The following RPE65 variants were observed in gnomAD, a reference collection of about 807,000 sequenced individuals.
The protein encoded by RPE65 is retinoid isomerohydrolase RPE65.
A neutral mutation model predicts 68.5 loss-of-function variants in RPE65; 58 were observed. The ratio of observed to expected loss-of-function variants is 0.85; its 90% confidence interval spans 0.69 to 1.05. The LOEUF (loss-of-function observed/expected upper bound fraction) is 1.05. Among genes scored for constraint, RPE65 ranks in the 50% least tolerant of loss-of-function variants. RPE65 has a pLI of 0.00. For missense variants in RPE65, 643 were observed against 629.9 expected, an observed-to-expected ratio of 1.02 and a Z score of -0.22; for synonymous variants, 220 against 222.2, an observed-to-expected ratio of 0.99 and a Z score of 0.09.
intron 10 of RPE65, 132 bp downstream of exon 10, chr1:68,438,055 T>G: frequency 1.8e-6 from 2 of 1,094,540 alleles, no homozygotes; most frequent in Non-Finnish European, 1.3e-6. Flanking sequence ...GGAAGTTTAA[T>G]TAGCCTATTT....
At chr1:68,435,936 T>A (rs112094349) in intron 10 of RPE65, among the ~76,000 whole-genome samples, 5 of 152,228 alleles carry the variant, frequency 3.3e-5, no homozygotes, top group Non-Finnish European at 7.3e-5. Flanking sequence ...ATGATGCCTG[T>A]TTTAGTGGCT....
Position 68,431,325 on chromosome 1 carries a change from G to T in RPE65, c.1295C>A (p.Thr432Lys), listed in dbSNP as rs1231370695. 2 of 1,614,006 alleles carry T rather than the reference G, an allele frequency of 1.2e-6. No homozygotes were observed. Among genetic ancestry groups the T allele is most frequent in the Non-Finnish European group, 1.7e-6 (2 of 1,179,946 alleles). ...NYQKYCGKPY[T>K]YAYGLGLNHF... Reference sequence around the variant, plus strand: ...ATTCAAGCCAAGTCCATACGCATATGTGTAAGGTTTCCCACAATACTTCTG... The same window carrying T: ...ATTCAAGCCAAGTCCATACGCATATTTGTAAGGTTTCCCACAATACTTCTG... The change falls in exon 12 of 14, where the codon ACA (threonine) becomes AAA (lysine). Residue 432 changes from threonine to lysine, a missense_variant. Transcript: ENST00000262340.
At chr1:68,436,444 C>T (rs938759267) in intron 10 of RPE65, among the ~76,000 whole-genome samples, 8 of 147,490 alleles carry the variant, frequency 5.4e-5, no homozygotes, top group Non-Finnish European at 1.2e-4. Context: ...CCTGTTACTT[C>T]TATTTATTTA....
intron 13 of RPE65, among the ~76,000 whole-genome samples, chr1:68,430,414 C>T (rs112886088): frequency 2.4e-4 from 37 of 152,328 alleles, no homozygotes; most frequent in African/African-American, 7.9e-4. Context: ...AAAATGAGAA[C>T]AAATCTTTTA....
At chr1:68,437,214 C>T (rs1379083757) in intron 10 of RPE65, among the ~76,000 whole-genome samples, 1 of 152,174 alleles carries the variant, frequency 6.6e-6, no homozygotes, top group Non-Finnish European at 1.5e-5. Flanking sequence ...TTGCTCCAAC[C>T]TATCTTTCCA....
chr1:68,444,587 T>A lies in RPE65; in HGVS notation c.439A>T (p.Thr147Ser). Residue 147 changes from threonine to serine, a missense_variant, in exon 5 of 14, where the codon ACA becomes TCA. Coordinates refer to ENST00000262340, the MANE Select transcript of RPE65 (RefSeq NM_000329.3). ...YPVGEDYYAC[T>S]ETNFITKINP... Reference sequence around the variant, plus strand: ...ATCTTTGTAATAAAGTTGGTCTCTGTGCAAGCGTAGTAATCTTCCCCCACT... The same window carrying A: ...ATCTTTGTAATAAAGTTGGTCTCTGAGCAAGCGTAGTAATCTTCCCCCACT... The A allele has an allele frequency of 6.2e-7, 1 of 1,614,180 alleles. No homozygotes were observed.
chr1:68,433,524 C>A (rs1645840507), intron 10 of RPE65, among the ~76,000 whole-genome samples: 1 of 152,086 alleles, frequency 6.6e-6, no homozygotes, highest in African/African-American at 2.4e-5. Flanking sequence ...TGATTTCTTT[C>A]ATTTGTTTCA....
intron 5 of RPE65, among the ~76,000 whole-genome samples, chr1:68,443,185 A>T (rs1286986141): frequency 1.3e-5 from 2 of 152,238 alleles, no homozygotes; most frequent in Admixed American, 1.3e-4. Flanking sequence ...TTTTAATTTC[A>T]TCCTACCCTG....
rs1645803873 is a variant in RPE65, at chr1:68,429,357, A to C, written c.*419T>G. ...TTTAGTAATTAAGCCTTATTGCATG[A>C]TACTTCCTTGACTCAGCAAAGCCAC... On this transcript the variant is annotated 3_prime_UTR_variant, in exon 14 of 14. Coordinates refer to ENST00000262340, the MANE Select transcript of RPE65 (RefSeq NM_000329.3). The C allele has an allele frequency of 5.3e-6, 1 of 189,182 alleles. No homozygotes were observed. Among genetic ancestry groups the C allele is most frequent in the African/African-American group, 2.4e-5 (1 of 41,758 alleles). The allele number at this position is 189,182 out of a possible 1,614,324, so 11.7% of individuals were successfully genotyped here.
At position 68,429,838 on chromosome 1, in the gene RPE65, C is replaced by T; in HGVS notation, c.1540G>A (p.Ala514Thr). ...ILNAKDLSEV[A>T]RAEVEINIPV... is the part of the protein sequence containing the mutation. ...ATGTTAATCTCCACTTCAGCCCGGG[C>T]AACTTCACTTAAGTCCTTGGCATTC... Residue 514 changes from alanine to threonine, a missense_variant, in exon 14 of 14, where the codon GCC becomes ACC. Transcript: ENST00000262340. 1.9e-6 allele frequency: 3 copies of T among 1,613,808 alleles called. No individual in the cohort carries two copies. The highest frequency in any genetic ancestry group is 2.5e-6 in the Non-Finnish European group (3 of 1,179,832).
Position 68,431,602 on chromosome 1 carries a change from C to T in RPE65, c.1129-17G>A. The T allele has an allele frequency of 6.3e-7, 1 of 1,593,956 alleles. No individual in the cohort carries two copies. The highest frequency in any genetic ancestry group is 8.6e-7 in the Non-Finnish European group (1 of 1,162,028). ...TGTGTCAGCCTAGGAGAGAAGATAA[C>T]AGAAACCTCAGTGAGCAGGAAAGAA... On this transcript the variant is annotated splice_polypyrimidine_tract_variant and intron_variant, in intron 10 of 13. Transcript: ENST00000262340.
At chr1:68,441,335 T>G (rs112349100) in intron 5 of RPE65, among the ~76,000 whole-genome samples, 1 of 152,176 alleles carries the variant, frequency 6.6e-6, no homozygotes, top group Non-Finnish European at 1.5e-5. Context: ...ACTCTTATTA[T>G]TGTATTAGAT....
chr1:68,444,946 G>A (rs2100828681), intron 3 of RPE65, 63 bp from the exon 4 acceptor site: 3 of 1,329,640 alleles, frequency 2.3e-6, no homozygotes, highest in East Asian at 4.6e-5. Flanking sequence ...CCCATGTGGA[G>A]CTTAGAATGG....
At chr1:68,443,452 T>G (rs1557602080) in intron 5 of RPE65, among the ~76,000 whole-genome samples, 1 of 152,202 alleles carries the variant, frequency 6.6e-6, no homozygotes, top group Non-Finnish European at 1.5e-5. Context: ...GCAAGTCTAG[T>G]CCAAGGAGAT....
chr1:68,447,594 G>A (rs966062730), intron 2 of RPE65, among the ~76,000 whole-genome samples: 2 of 152,184 alleles, frequency 1.3e-5, no homozygotes, highest in African/African-American at 4.8e-5. Flanking sequence ...GGGCGCGGTG[G>A]CTCGCGCTTG....
chr1:68,441,116 T>C lies in RPE65; in HGVS notation c.496-116A>G, dbSNP rs1054476954. 3 of 1,200,276 alleles carry C rather than the reference T, an allele frequency of 2.5e-6. No homozygotes were observed. The African/African-American group carries it at 4.5e-5, about 18-fold the overall frequency. 74.4% of individuals were successfully genotyped at this position (1,200,276 alleles called of 1,614,324 possible). ...ACTCTCATCCTAAGTGCACTTCTCT[T>C]TCTTCCCATCTCTCTGGATTCTACC... On this transcript the variant is annotated intron_variant, in intron 5 of 13. Coordinates refer to ENST00000262340, the MANE Select transcript of RPE65 (RefSeq NM_000329.3).
At chr1:68,443,337 T>C (rs763724416) in intron 5 of RPE65, among the ~76,000 whole-genome samples, 3 of 152,188 alleles carry the variant, frequency 2.0e-5, no homozygotes, top group Admixed American at 6.5e-5. Context: ...TGGTGTTTAG[T>C]GGATGAGGCC....
At chr1:68,433,970 C>CA (rs1645843188) in intron 10 of RPE65, among the ~76,000 whole-genome samples, 1 of 151,644 alleles carries the variant, frequency 6.6e-6, no homozygotes, top group Admixed American at 6.6e-5. Context: ...ATTGGAAGTT[C>CA]CTGGTGGAAA....
chr1:68,430,028 A>G (rs1645814977), intron 13 of RPE65, 101 bp from the exon 14 acceptor site: 2 of 1,442,534 alleles, frequency 1.4e-6, no homozygotes, highest in African/African-American at 1.4e-5. Context: ...ATTGACAAAT[A>G]TAGAAAACCA....
Sources: gnomAD v4.1 joint callset for allele counts (sites outside exome capture counted in the v4.1 genomes callset) on GRCh38, gnomAD v4.1.1 for gene constraint, MANE v1.5 for transcripts, NCBI Gene and HGNC (gene_info 2026-07-23, HGNC 2026-07-21) for gene names.